The following DOP1A variants were observed in gnomAD, a reference collection of about 807,000 sequenced individuals.
The protein encoded by DOP1A is protein DOP1A.
A neutral mutation model predicts 267.6 loss-of-function variants in DOP1A; 90 were observed. That is an observed-to-expected ratio of 0.34 (90% CI 0.28 to 0.40). The LOEUF is 0.40. DOP1A is among the 10% of genes least tolerant of loss of function. The pLI, the probability that DOP1A is intolerant of heterozygous loss-of-function variation, is 1.00. For missense variants in DOP1A, 2,437 were observed against 2,900.4 expected, an observed-to-expected ratio of 0.84 and a Z score of 3.67; for synonymous variants, 932 against 999.1, an observed-to-expected ratio of 0.93 and a Z score of 1.27.
chr6:83,166,776 C>T (rs1785791496), intron 38 of DOP1A: 3 of 1,075,730 alleles, frequency 2.8e-6, no homozygotes, highest in Non-Finnish European at 1.1e-6. Context: ...TCTGCTTGAC[C>T]CACTAGGAAA....
chr6:83,084,530 A>T (rs1768717105), intron 1 of DOP1A, among the ~76,000 whole-genome samples: 1 of 152,170 alleles, frequency 6.6e-6, no homozygotes, highest in Non-Finnish European at 1.5e-5. Flanking sequence ...TAATTTGAAA[A>T]GATTTGACTT....
At chr6:83,160,993 A>G (rs1784115469) in intron 37 of DOP1A, among the ~76,000 whole-genome samples, 1 of 151,884 alleles carries the variant, frequency 6.6e-6, no homozygotes. Flanking sequence ...ATATATATCT[A>G]CTTTTTGATG....
At chr6:83,139,795 A>G (rs1779339391) in intron 21 of DOP1A, among the ~76,000 whole-genome samples, 1 of 152,152 alleles carries the variant, frequency 6.6e-6, no homozygotes, top group Non-Finnish European at 1.5e-5. Flanking sequence ...TCTTTAGCCA[A>G]AAAGAACTCT....
rs1165924757 is a variant in DOP1A, at chr6:83,137,953, GA to G, written c.3917del (p.Lys1306ArgfsTer26). On this transcript the variant is annotated frameshift_variant, in exon 21 of 39. Coordinates refer to ENST00000349129, the MANE Select transcript of DOP1A (RefSeq NM_015018.4). LOFTEE classifies it high-confidence loss of function. Reference sequence around the variant, plus strand: ...GCAAAACCTAAAGTAAAACTTGCCAGAAAAAAGGATGATGACAAGAAAAAAT... The same window carrying G: ...GCAAAACCTAAAGTAAAACTTGCCAGAAAAAGGATGATGACAAGAAAAAAT... ...PGAKPKVKLA[R>X]KKDDDKKKSS... 6.2e-7 allele frequency: 1 copy of G among 1,603,040 alleles called. No individual in the cohort carries two copies. The highest frequency in any genetic ancestry group is 8.5e-7 in the Non-Finnish European group (1 of 1,176,886).
chr6:83,167,062 C>T (rs45477797), intron 38 of DOP1A: 16 of 985,168 alleles, frequency 1.6e-5, no homozygotes, highest in Non-Finnish European at 1.9e-5. Flanking sequence ...GCTTCTCAAA[C>T]TAGCCTCTTA....
rs118149858 is a variant in DOP1A, at chr6:83,080,342, C to T, written c.-147+12563C>T. 5.2e-3 allele frequency among the ~76,000 whole-genome samples: 795 copies of T among 152,232 alleles called. 21 individuals carry two copies. In the East Asian group the frequency reaches 0.072, roughly 14 times the overall value. ...GTTAATACAATGATATATGACTAAA[C>T]CAGAATATTAAACTATCAGTGATGT... On this transcript the variant is annotated intron_variant, in intron 1 of 38. Coordinates refer to ENST00000349129, the MANE Select transcript of DOP1A (RefSeq NM_015018.4).
intron 4 of DOP1A, among the ~76,000 whole-genome samples, chr6:83,101,371 C>T (rs747354984): frequency 1.3e-5 from 2 of 152,124 alleles, no homozygotes; most frequent in Non-Finnish European, 2.9e-5. Context: ...GTAGAACAGT[C>T]TTTAATGTCT....
chr6:83,079,293 A>G (rs1390981022), intron 1 of DOP1A, among the ~76,000 whole-genome samples: 2 of 152,186 alleles, frequency 1.3e-5, no homozygotes, highest in African/African-American at 4.8e-5. Flanking sequence ...TTTGCATCTC[A>G]GTGAATTTTT....
intron 1 of DOP1A, among the ~76,000 whole-genome samples, chr6:83,095,096 C>A (rs768340797): frequency 1.5e-4 from 23 of 152,086 alleles, no homozygotes; most frequent in Non-Finnish European, 3.2e-4. Context: ...CCACACCTGG[C>A]TGATTTTTGT....
chr6:83,128,850 C>T lies in DOP1A; in HGVS notation c.1720-37C>T, dbSNP rs1012340771. ...TCTAATTCCTAATATGTACACTTTG[C>T]TACTCAGCCTTTTGTTTTCTTAAAA... On this transcript the variant is annotated intron_variant, in intron 15 of 38. Transcript: ENST00000349129. 2.0e-6 allele frequency: 3 copies of T among 1,510,436 alleles called. No homozygotes were observed. In the African/African-American group the frequency reaches 4.2e-5, roughly 21 times the overall value. The allele number at this position is 1,510,436 out of a possible 1,614,324, so 93.6% of individuals were successfully genotyped here. A position where few individuals can be genotyped will look rare whatever the true frequency, so the allele number is the denominator to read the frequency against.
intron 36 of DOP1A, among the ~76,000 whole-genome samples, chr6:83,159,589 T>C (rs1783744489): frequency 6.6e-6 from 1 of 152,166 alleles, no homozygotes; most frequent in African/African-American, 2.4e-5. Flanking sequence ...CTGCGCCCAG[T>C]CTATGTACTG....
intron 19 of DOP1A, 57 bp downstream of exon 19, chr6:83,134,344 C>T (rs374360415): frequency 1.4e-6 from 2 of 1,437,504 alleles, no homozygotes; most frequent in Non-Finnish European, 1.9e-6. Flanking sequence ...TTGCCTCTTT[C>T]CTTGAGTCCA....
chr6:83,072,444 A>T (rs1350927522), intron 1 of DOP1A, among the ~76,000 whole-genome samples: 4 of 152,144 alleles, frequency 2.6e-5, no homozygotes, highest in South Asian at 4.1e-4. Context: ...GGGTGGAGTG[A>T]GATTCCTGTT....
At chr6:83,126,145 A>G (rs1777117950) in intron 15 of DOP1A, among the ~76,000 whole-genome samples, 1 of 151,022 alleles carries the variant, frequency 6.6e-6, no homozygotes, top group African/African-American at 2.4e-5. Context: ...TTACACTTAC[A>G]GCACATCTTC....
At chr6:83,080,930 A>T (rs1380780066) in intron 1 of DOP1A, among the ~76,000 whole-genome samples, 1 of 152,222 alleles carries the variant, frequency 6.6e-6, no homozygotes, top group East Asian at 1.9e-4. Flanking sequence ...GAACCACAAA[A>T]GACCCCAAAT....
chr6:83,101,843 T>C (rs1261842981), intron 4 of DOP1A, among the ~76,000 whole-genome samples: 1 of 152,216 alleles, frequency 6.6e-6, no homozygotes, highest in Non-Finnish European at 1.5e-5. Context: ...AACATAGCCA[T>C]CATCTTACAT....
At chr6:83,095,414 A>T (rs1259684992) in intron 1 of DOP1A, among the ~76,000 whole-genome samples, 2 of 152,288 alleles carry the variant, frequency 1.3e-5, no homozygotes, top group East Asian at 3.9e-4. Context: ...ATATTCAGTT[A>T]TCCCAAACTA....
In DOP1A at chr6:83,118,210, A is replaced by G. The variant is rs76960245; in HGVS notation, c.781-678A>G. 8.9e-3 allele frequency among the ~76,000 whole-genome samples: 1,358 copies of G among 152,302 alleles called. 27 individuals are homozygous for G. Among genetic ancestry groups the G allele is most frequent in the East Asian group, 0.084 (435 of 5,184 alleles). ...ATCTGGCAGTATTCTTAAAATTAAT[A>G]GCAAGTTAGTTGCTTTTCTTCTATT... is the stretch of plus-strand genomic sequence containing the variant. On this transcript the variant is annotated intron_variant, in intron 7 of 38. Coordinates refer to ENST00000349129, the MANE Select transcript of DOP1A (RefSeq NM_015018.4).
intron 18 of DOP1A, among the ~76,000 whole-genome samples, chr6:83,132,704 AAAT>A (rs1418188524): frequency 6.6e-5 from 10 of 152,308 alleles, no homozygotes; most frequent in African/African-American, 2.4e-4. Context: ...ATATGAAATG[AAAT>A]AATGTATAAA....
Sources: allele counts gnomAD v4.1 joint callset (sites outside exome capture counted in the v4.1 genomes callset), GRCh38; gene constraint gnomAD v4.1.1; transcripts MANE v1.5; gene names NCBI Gene and HGNC (gene_info 2026-07-23, HGNC 2026-07-21).